The following TONSL variants were observed in gnomAD, a reference collection of about 807,000 sequenced individuals.
TONSL encodes tonsoku like, DNA repair protein.
A neutral mutation model predicts 147.1 loss-of-function variants in TONSL; 112 were observed. The observed-to-expected ratio is 0.76, with a 90% CI of 0.65 to 0.89. The LOEUF (loss-of-function observed/expected upper bound fraction) is 0.89, where lower values mean the gene tolerates loss of function less well. Ranked by LOEUF, TONSL falls within the 40% of genes least tolerant of loss-of-function variation. The pLI, the probability that TONSL is intolerant of heterozygous loss-of-function variation, is 0.00. For synonymous variants in TONSL, 868 were observed against 801.5 expected, an observed-to-expected ratio of 1.08 and a Z score of -1.40; for missense variants, 1,883 against 1,864.6, an observed-to-expected ratio of 1.01 and a Z score of -0.18.
chr8:144,442,442 C>A, intron 5 of TONSL, 30 bp from the exon 6 acceptor site: 1 of 1,520,882 alleles, frequency 6.6e-7, no homozygotes. Context: ...ACTGAGCACC[C>A]AGGAGTGTCC....
rs781845369 is a variant in TONSL, at chr8:144,433,537, C to T, written c.3559+51G>A. The T allele has an allele frequency of 8.2e-6, 13 of 1,577,222 alleles. No homozygotes were observed. In the South Asian group the frequency reaches 1.1e-4, roughly 14 times the overall value. ...GGCCCCCTCTGAAAGTCCTGGAAAC[C>T]CTCAATGCCCCAGGGCTAGGGAGTG... is the stretch of plus-strand genomic sequence containing the variant. On this transcript the variant is annotated intron_variant, in intron 22 of 25. Coordinates refer to ENST00000409379, the MANE Select transcript of TONSL (RefSeq NM_013432.5).
At position 144,438,557 on chromosome 8, in the gene TONSL, T is replaced by G; in HGVS notation, c.1567A>C (p.Asn523His). 1 of 1,612,610 alleles carries G rather than the reference T, an allele frequency of 6.2e-7. No homozygotes were observed. Among genetic ancestry groups the G allele is most frequent in the Non-Finnish European group, 8.5e-7 (1 of 1,179,712 alleles). Residue 523 changes from asparagine (N) to histidine (H), a missense_variant, in exon 13 of 26, where the codon AAC becomes CAC. Coordinates refer to ENST00000409379, the MANE Select transcript of TONSL (RefSeq NM_013432.5). Reference sequence around the variant, plus strand: ...GTCTCCCCCATGTCGTTTCGCCGGTTCCACTGTGGGCACAGCCAACCCAGC... The same window carrying G: ...GTCTCCCCCATGTCGTTTCGCCGGTGCCACTGTGGGCACAGCCAACCCAGC... ...HLGRRKGSKW[N>H]RRNDMGETLL... is the part of the protein sequence containing the mutation.
intron 19 of TONSL, 51 bp downstream of exon 19, chr8:144,434,966 G>A (rs373493057): frequency 1.7e-5 from 27 of 1,609,824 alleles, no homozygotes; most frequent in Middle Eastern, 1.6e-4. Flanking sequence ...TGAGCCACCC[G>A]GGGGCTCCCG....
chr8:144,440,810 G>C lies in TONSL; in HGVS notation c.1072C>G (p.Leu358Val). 1 of 1,612,956 alleles carries C rather than the reference G, an allele frequency of 6.2e-7. No homozygotes were observed. The highest frequency in any genetic ancestry group is 8.5e-7 in the Non-Finnish European group (1 of 1,179,984). ...GAERAIIHVSLATTLGDMKDH... is the reference protein window; with the variant it reads ...GAERAIIHVSVATTLGDMKDH... ...TTCATGTCTCCCAGTGTGGTGGCCA[G>C]GGACACGTGGATGATGGCCCGCTCA... Residue 358 changes from leucine to valine, a missense_variant, in exon 9 of 26, where the codon CTG becomes GTG. Physicochemically the swap from Leu to Val is conservative, Grantham distance 32. Coordinates refer to ENST00000409379, the MANE Select transcript of TONSL (RefSeq NM_013432.5).
chr8:144,432,429 G>C lies in TONSL; in HGVS notation c.3591C>G (p.Ser1197=). 4 of 1,571,074 alleles carry C rather than the reference G, an allele frequency of 2.5e-6. No homozygotes were observed. Among genetic ancestry groups the C allele is most frequent in the Non-Finnish European group, 3.4e-6 (4 of 1,161,568 alleles). The change falls in exon 23 of 26, where the codon TCC becomes TCG. Residue 1197 remains serine (S), a synonymous_variant. Transcript: ENST00000409379. ...DAEHLKTLSL[S]YNALGAPALA... is the part of the protein sequence containing the mutation. ...GGGCAGGGGCTCCCAGGGCGTTGTAGGACAGGGACAGGGTCTTCAGGTGCT... is the reference window on the plus strand; with the variant it reads ...GGGCAGGGGCTCCCAGGGCGTTGTACGACAGGGACAGGGTCTTCAGGTGCT...
rs530398950 is a variant in TONSL at position 144,438,640 on chromosome 8, G to C, written c.1563+13C>G. On this transcript the variant is annotated intron_variant, in intron 12 of 25. Coordinates refer to ENST00000409379, the MANE Select transcript of TONSL (RefSeq NM_013432.5). Reference sequence around the variant, plus strand: ...GCTGAGCGGGGTGGGTGGGGGCAGGGCACTGTCCTCACCTTGCTCCCCTTC... The same window carrying C: ...GCTGAGCGGGGTGGGTGGGGGCAGGCCACTGTCCTCACCTTGCTCCCCTTC... 2.5e-6 allele frequency: 4 copies of C among 1,612,802 alleles called. No homozygotes were observed. In the East Asian group the frequency reaches 8.9e-5, roughly 36 times the overall value.
At position 144,430,467 on chromosome 8, in the gene TONSL, A is replaced by C. The variant is rs782402252; in HGVS notation, c.3880T>G (p.Leu1294Val). Residue 1294 changes from leucine to valine, a missense_variant, in exon 25 of 26, where the codon TTG (leucine) becomes GTG (valine). By Grantham distance (32) the Leu-to-Val change is conservative. Transcript: ENST00000409379. The stretch of plus-strand genomic sequence containing the variant: ...TGGAGGGTGGACAGGAGCTCTTCCA[A>C]GCTGGCACAGCTGATCTCAGGGTTG... ...SANPEISCASLEELLSTLQKR... is the reference protein window; with the variant it reads ...SANPEISCASVEELLSTLQKR... The C allele has an allele frequency of 6.2e-7, 1 of 1,613,402 alleles. No individual in the cohort carries two copies. Among genetic ancestry groups the C allele is most frequent in the Admixed American group, 1.7e-5 (1 of 59,950 alleles).
At chr8:144,443,801 C>A (rs1823805155) in intron 3 of TONSL, 81 bp downstream of exon 3, 1 of 1,511,162 alleles carries the variant, frequency 6.6e-7, no homozygotes, top group Non-Finnish European at 8.9e-7. Context: ...AGGCTCCTGA[C>A]GGCGAAGACC....
chr8:144,435,082 G>C lies in TONSL; in HGVS notation c.2941C>G (p.Arg981Gly). 6.2e-7 allele frequency: 1 copy of C among 1,608,718 alleles called. No homozygotes were observed. Among genetic ancestry groups the C allele is most frequent in the Non-Finnish European group, 8.5e-7 (1 of 1,178,134 alleles). ...GGGGCCAGCAGGGCCCCCTCTTTCC[G>C]TAGGGTGAGCCTGGGCAGCAGCCCG... ...TCGLLPRLTLRKEGALLAPQD... is the reference protein window; with the variant it reads ...TCGLLPRLTLGKEGALLAPQD... Residue 981 changes from arginine (R) to glycine (G), a missense_variant, in exon 19 of 26, where the codon CGG becomes GGG. By Grantham distance (125) the Arg-to-Gly change is moderately radical. Coordinates refer to ENST00000409379, the MANE Select transcript of TONSL (RefSeq NM_013432.5).
At chr8:144,429,634 G>T (rs540684256) in intron 25 of TONSL, among the ~76,000 whole-genome samples, 1 of 152,310 alleles carries the variant, frequency 6.6e-6, no homozygotes, top group African/African-American at 2.4e-5. Context: ...TAATGGATCT[G>T]CTTGCAAATC....
In TONSL at chr8:144,436,360, G is replaced by C; in HGVS notation, c.2073C>G (p.Thr691=). The change falls in exon 17 of 26, where the codon ACC becomes ACG. Residue 691 remains threonine (T), a synonymous_variant. Coordinates refer to ENST00000409379, the MANE Select transcript of TONSL (RefSeq NM_013432.5). ...TPSSLLFDPE[T]SPPLSPCPEP... ...CTGGGCAGGGGCTCAAAGGAGGAGA[G>C]GTCTCGGGGTCAAACAGAAGGCTGC... 6.7e-7 allele frequency: 1 copy of C among 1,503,398 alleles called. No homozygotes were observed. Among genetic ancestry groups the C allele is most frequent in the South Asian group, 1.3e-5 (1 of 75,792 alleles). The allele number at this position is 1,503,398 out of a possible 1,614,324, so 93.1% of individuals were successfully genotyped here.
At chr8:144,433,566 A>C in intron 22 of TONSL, 22 bp downstream of exon 22, 1 of 1,611,476 alleles carries the variant, frequency 6.2e-7, no homozygotes, top group Non-Finnish European at 8.5e-7. Flanking sequence ...GGGAGTGGAC[A>C]GGGAGTGCCT....
At position 144,442,306 on chromosome 8, in the gene TONSL, G is replaced by A. The variant is rs775537384; in HGVS notation, c.685C>T (p.Arg229Trp). The A allele has an allele frequency of 1.3e-6, 2 of 1,598,320 alleles. No homozygotes were observed. The highest frequency in any genetic ancestry group is 1.1e-5 in the South Asian group (1 of 90,634). The change falls in exon 6 of 26, where the codon CGG (arginine) becomes TGG (tryptophan). Residue 229 changes from arginine (R) to tryptophan (W), a missense_variant. By Grantham distance (101) the Arg-to-Trp change is moderately radical. Coordinates refer to ENST00000409379, the MANE Select transcript of TONSL (RefSeq NM_013432.5). Reference sequence around the variant, plus strand: ...TTCCTCATGGTGTGCGCACACTCCCGGGCACCCTCCAAGCAGCGCATAGCC... The same window carrying A: ...TTCCTCATGGTGTGCGCACACTCCCAGGCACCCTCCAAGCAGCGCATAGCC... The part of the protein sequence containing the change: ...SQAMRCLEGA[R>W]ECAHTMRKRF...
In TONSL at chr8:144,433,293, G is replaced by C. The variant is rs140865373; in HGVS notation, c.3559+295C>G. 1.3e-4 allele frequency: 36 copies of C among 287,366 alleles called. No individual in the cohort carries two copies. The East Asian group carries it at 3.0e-3, about 24-fold the overall frequency. The allele number at this position is 287,366 out of a possible 1,614,324, so 17.8% of individuals were successfully genotyped here. ...GCGTTTCACCGTGTTAGCCAGGATG[G>C]TCTCGATATCCTGACCTCGTGATCT... On this transcript the variant is annotated intron_variant, in intron 22 of 25. Coordinates refer to ENST00000409379, the MANE Select transcript of TONSL (RefSeq NM_013432.5).
intron 2 of TONSL, 74 bp downstream of exon 2, chr8:144,444,106 C>T (rs1227843851): frequency 5.3e-6 from 7 of 1,309,854 alleles, no homozygotes; most frequent in Non-Finnish European, 6.8e-6. Flanking sequence ...AAGAGCCCGT[C>T]GCCCCCCGGC....
At chr8:144,438,207 T>G in intron 13 of TONSL, 1 of 534,784 alleles carries the variant, frequency 1.9e-6, no homozygotes. Context: ...AGCCTCCGCT[T>G]TTTAAATTTT....
intron 11 of TONSL, 185 bp from the exon 12 acceptor site, chr8:144,438,920 T>TGACCCTGCTGG: frequency 1.6e-6 from 1 of 643,418 alleles, no homozygotes; most frequent in Non-Finnish European, 2.8e-6. Flanking sequence ...CATGTCTCCC[T>TGACCCTGCTGG]GACCCTGCTG....
Position 144,434,283 on chromosome 8 carries a change from CGGGA to C in TONSL, c.3086-8_3086-5del, listed in dbSNP as rs1474014432. ...TGCAGCACCTGTTGGTGCTCCCCTG[CGGGA>C]GGGATGTGATGTCACCAGGGTAAGG... On this transcript the variant is annotated splice_region_variant and splice_polypyrimidine_tract_variant and intron_variant, in intron 20 of 25. Transcript: ENST00000409379. 3.3e-6 allele frequency: 5 copies of C among 1,503,472 alleles called. No individual in the cohort carries two copies. The highest frequency in any genetic ancestry group is 2.8e-5 in the African/African-American group (2 of 71,354). The allele number at this position is 1,503,472 out of a possible 1,614,324, so 93.1% of individuals were successfully genotyped here.
chr8:144,435,060 GC>G lies in TONSL; in HGVS notation c.2962del (p.Ala988ProfsTer20), dbSNP rs764194997. 1.2e-6 allele frequency: 2 copies of G among 1,611,604 alleles called. No homozygotes were observed. Among genetic ancestry groups the G allele is most frequent in the South Asian group, 1.1e-5 (1 of 90,838 alleles). The stretch of plus-strand genomic sequence containing the variant: ...CACATCAGGGATGAGGTCCTGTGGG[GC>G]CAGCAGGGCCCCCTCTTTCCGTAGG... ...LTLRKEGALL[A>X]PQDLIPDVLQ... is the part of the protein sequence containing the mutation. On this transcript the variant is annotated frameshift_variant, in exon 19 of 26. Coordinates refer to ENST00000409379, the MANE Select transcript of TONSL (RefSeq NM_013432.5). LOFTEE classifies it high-confidence loss of function.
Sources: allele counts gnomAD v4.1 joint callset (sites outside exome capture counted in the v4.1 genomes callset), GRCh38; gene constraint gnomAD v4.1.1; transcripts MANE v1.5; gene names NCBI Gene and HGNC (gene_info 2026-07-23, HGNC 2026-07-21).